The following WASF3 variants were observed in gnomAD, a reference collection of about 807,000 sequenced individuals.
The protein encoded by WASF3 is actin-binding protein WASF3.
A neutral mutation model predicts 46.6 loss-of-function variants in WASF3; 11 were observed. The ratio of observed to expected loss-of-function variants is 0.24; its 90% CI spans 0.15 to 0.39. The LOEUF (loss-of-function observed/expected upper bound fraction) is 0.39. Ranked by LOEUF, WASF3 falls within the 10% of genes least tolerant of loss-of-function variation. The pLI is 1.00. For missense variants in WASF3, 576 were observed against 669.8 expected (o/e 0.86, Z 1.55); for synonymous variants, 242 against 259.7 (o/e 0.93, Z 0.65).
intron 1 of WASF3, among the ~76,000 whole-genome samples, chr13:26,605,550 A>G (rs549393496): frequency 6.6e-6 from 1 of 152,224 alleles, no homozygotes; most frequent in Admixed American, 6.5e-5. Flanking sequence ...AATGTTTTTG[A>G]GTGTTGTCTA....
intron 7 of WASF3, among the ~76,000 whole-genome samples, chr13:26,678,298 T>C (rs1883125131): frequency 6.6e-6 from 1 of 152,152 alleles, no homozygotes; most frequent in South Asian, 2.1e-4. Flanking sequence ...TTTTTTATTA[T>C]AAAATAAGAC....
At chr13:26,678,457 G>A (rs149885031) in intron 7 of WASF3, among the ~76,000 whole-genome samples, 30 of 151,924 alleles carry the variant, frequency 2.0e-4, no homozygotes, top group African/African-American at 7.2e-4. Context: ...TTACAAAATT[G>A]GAGTCATGCC....
intron 2 of WASF3, chr13:26,619,063 G>T (rs1332393970): frequency 6.6e-6 from 1 of 152,090 alleles, no homozygotes; most frequent in East Asian, 1.9e-4. Context: ...CTGTGGGTTT[G>T]AAACAAAGGA....
Position 26,682,902 on chromosome 13 carries a change from G to A in WASF3, c.1279G>A (p.Ala427Thr), listed in dbSNP as rs1179025576. 1 of 1,611,304 alleles carries A rather than the reference G, an allele frequency of 6.2e-7. No homozygotes were observed. The highest frequency in any genetic ancestry group is 1.1e-5 in the South Asian group (1 of 91,060). The stretch of plus-strand genomic sequence containing the variant: ...AATGCATGGCCCCCCAGTAGCTGAG[G>A]CGAAGCGGCAAGAGCCTGCACAGCC... Reference protein sequence around the residue: ...SPMHGPPVAEAKRQEPAQPPI... With the variant: ...SPMHGPPVAETKRQEPAQPPI... The change falls in exon 9 of 10, where the codon GCG becomes ACG. Residue 427 changes from alanine (A) to threonine (T), a missense_variant. Ala to Thr is a moderately conservative substitution (Grantham distance 58). Transcript: ENST00000335327. The surrounding 1 kb of genome is among the most constrained non-coding windows in gnomAD (Gnocchi z 4.4).
At chr13:26,560,891 C>T (rs1879273933) in intron 1 of WASF3, among the ~76,000 whole-genome samples, 1 of 152,170 alleles carries the variant, frequency 6.6e-6, no homozygotes, top group Non-Finnish European at 1.5e-5. Context: ...GCAACAAGAG[C>T]TCAGAGGAGG....
intron 2 of WASF3, among the ~76,000 whole-genome samples, chr13:26,614,913 A>G (rs1881084306): frequency 6.7e-6 from 1 of 149,636 alleles, no homozygotes; most frequent in African/African-American, 2.5e-5. Context: ...GCTGTGCTGC[A>G]TTTCCAGGCT....
At chr13:26,656,766 A>G (rs9512307) in intron 3 of WASF3, among the ~76,000 whole-genome samples, 23,288 of 152,122 alleles carry the variant, frequency 0.15, 2,368 homozygotes, top group South Asian at 0.26. Flanking sequence ...CATGGTATTT[A>G]AAATTATTTA....
At chr13:26,608,448 AG>A (rs1880869464) in intron 1 of WASF3, among the ~76,000 whole-genome samples, 3 of 152,224 alleles carry the variant, frequency 2.0e-5, no homozygotes, top group Admixed American at 2.0e-4. Flanking sequence ...AGTGAATGTC[AG>A]CTAACGTTAT....
intron 2 of WASF3, among the ~76,000 whole-genome samples, chr13:26,624,090 A>G (rs1881392592): frequency 6.6e-6 from 1 of 152,144 alleles, no homozygotes; most frequent in African/African-American, 2.4e-5. Flanking sequence ...CAAAATTATG[A>G]GACAAAAAAG....
intron 1 of WASF3, among the ~76,000 whole-genome samples, chr13:26,588,620 C>A (rs9553869): frequency 1.3e-5 from 2 of 151,910 alleles, no homozygotes; most frequent in South Asian, 2.1e-4. Flanking sequence ...CTAATTTGAT[C>A]TTGTCGAACG....
intron 2 of WASF3, among the ~76,000 whole-genome samples, chr13:26,622,074 A>G (rs1015455003): frequency 2.6e-5 from 4 of 152,174 alleles, no homozygotes; most frequent in African/African-American, 4.8e-5. Context: ...AAAGCCCAAC[A>G]TCTGCAGTAT....
chr13:26,589,944 C>A (rs186060936), intron 1 of WASF3, among the ~76,000 whole-genome samples: 1 of 152,258 alleles, frequency 6.6e-6, no homozygotes, highest in Non-Finnish European at 1.5e-5. Flanking sequence ...AGAAGGTTCA[C>A]CTCATGAGCT....
Position 26,642,613 on chromosome 13 carries a change from A to G in WASF3, c.133+210A>G, listed in dbSNP as rs115337748. ...CAATGAAGATGTGATGCTCTTACCA[A>G]CTCACAAATTATTAGATGAGATCAA... On this transcript the variant is annotated intron_variant, in intron 3 of 9. Coordinates refer to ENST00000335327, the MANE Select transcript of WASF3 (RefSeq NM_006646.6). Among the ~76,000 whole-genome samples, 858 of 152,320 alleles carry G rather than the reference A, an allele frequency of 5.6e-3. 13 individuals are homozygous for G. The highest frequency in any genetic ancestry group is 0.02 in the African/African-American group (820 of 41,568).
rs528207324 is a variant in WASF3 at position 26,588,852 on chromosome 13, C to T, written c.-108-24109C>T. On this transcript the variant is annotated intron_variant, in intron 1 of 9. Coordinates refer to ENST00000335327, the MANE Select transcript of WASF3 (RefSeq NM_006646.6). ...TCACTCTGTCACCCAGGCTGGAGCG[C>T]AGTGGCATGATTATGGCTCACTGCA... Among the ~76,000 whole-genome samples the T allele has an allele frequency of 2.6e-5, 4 of 152,284 alleles. No homozygotes were observed. In the South Asian group the frequency reaches 8.3e-4, roughly 32 times the overall value.
intron 5 of WASF3, among the ~76,000 whole-genome samples, chr13:26,668,147 T>A (rs756856786): frequency 7.9e-5 from 12 of 152,160 alleles, no homozygotes; most frequent in Non-Finnish European, 1.3e-4. Flanking sequence ...AGTCAGCAAA[T>A]TAACCTTCTG....
At chr13:26,681,754 G>A (rs191188920) in intron 8 of WASF3, among the ~76,000 whole-genome samples, 3 of 151,964 alleles carry the variant, frequency 2.0e-5, no homozygotes, top group African/African-American at 4.8e-5. Flanking sequence ...ATCTGCTTTC[G>A]TGACCTCTGA....
intron 2 of WASF3, among the ~76,000 whole-genome samples, chr13:26,626,800 C>T (rs1370943804): frequency 6.6e-6 from 1 of 152,068 alleles, no homozygotes; most frequent in Non-Finnish European, 1.5e-5. Context: ...GGGATCATTT[C>T]CCCAAGAAGA....
At chr13:26,590,597 A>G (rs1196392841) in intron 1 of WASF3, among the ~76,000 whole-genome samples, 1 of 152,230 alleles carries the variant, frequency 6.6e-6, no homozygotes, top group Non-Finnish European at 1.5e-5. Flanking sequence ...TGAGATCACC[A>G]AGGGAGGGCA....
At chr13:26,573,345 A>T (rs1879695987) in intron 1 of WASF3, among the ~76,000 whole-genome samples, 1 of 151,868 alleles carries the variant, frequency 6.6e-6, no homozygotes, top group South Asian at 2.1e-4. Flanking sequence ...ATAAACTTAG[A>T]TTGTGCTTTA....
Sources: allele counts gnomAD v4.1 joint callset (sites outside exome capture counted in the v4.1 genomes callset), GRCh38; gene constraint gnomAD v4.1.1; non-coding constraint Gnocchi (gnomAD v3.1); transcripts MANE v1.5; gene names NCBI Gene and HGNC (gene_info 2026-07-23, HGNC 2026-07-21).